The following ASXL2 variants were observed in gnomAD, a reference collection of about 807,000 sequenced individuals.
The protein encoded by ASXL2 is putative Polycomb group protein ASXL2.
Under a neutral mutation model 122.0 loss-of-function variants are expected in ASXL2, and 23 were observed. The observed-to-expected ratio is 0.19, with a 90% CI of 0.14 to 0.27. The LOEUF (loss-of-function observed/expected upper bound fraction) is 0.27. ASXL2 is among the 10% of genes least tolerant of loss of function. The pLI, the probability that ASXL2 is intolerant of heterozygous loss-of-function variation, is 1.00. For missense variants in ASXL2, 1,518 were observed against 1,713.8 expected, an observed-to-expected ratio of 0.89 and a Z score of 2.02; for synonymous variants, 650 against 637.0, an observed-to-expected ratio of 1.02 and a Z score of -0.31.
At position 25,733,866 on chromosome 2, in the gene ASXL2, G is replaced by A. The variant is rs1231109168; in HGVS notation, c.*8163C>T. 3 of 152,168 alleles carry A rather than the reference G, an allele frequency of 2.0e-5. No individual in the cohort carries two copies. The highest frequency in any genetic ancestry group is 4.4e-5 in the Non-Finnish European group (3 of 68,026). The allele number at this position is 152,168 out of a possible 1,614,324, so 9.4% of individuals were successfully genotyped here. A position where few individuals can be genotyped will look rare whatever the true frequency, so the allele number is the denominator to read the frequency against. ...AGAAGGTTGTTTTTATACGACCAAT[G>A]AAACAGCCTAAAAGTGACAGGAAAG... On this transcript the variant is annotated 3_prime_UTR_variant, in exon 13 of 13. Coordinates refer to ENST00000435504, the MANE Select transcript of ASXL2 (RefSeq NM_018263.6).
intron 6 of ASXL2, among the ~76,000 whole-genome samples, chr2:25,770,785 T>G (rs1304739508): frequency 1.3e-5 from 2 of 151,986 alleles, no homozygotes; most frequent in Non-Finnish European, 2.9e-5. Context: ...TGTTAGTAGA[T>G]TAAAAGAGAA....
At chr2:25,786,546 T>C in intron 5 of ASXL2, among the ~76,000 whole-genome samples, 1 of 151,924 alleles carries the variant, frequency 6.6e-6, no homozygotes, top group Admixed American at 6.6e-5. Flanking sequence ...GCCCACATCA[T>C]TCTTAAAACA....
chr2:25,752,628 A>C (rs2088064414), intron 11 of ASXL2, among the ~76,000 whole-genome samples: 2 of 152,060 alleles, frequency 1.3e-5, no homozygotes, highest in African/African-American at 4.8e-5. Flanking sequence ...AGGGCAGATC[A>C]CCTGAAGTCA....
In ASXL2 at chr2:25,799,508, G is replaced by C; in HGVS notation, c.280C>G (p.Leu94Val). 6.2e-7 allele frequency: 1 copy of C among 1,613,752 alleles called. No individual in the cohort carries two copies. The highest frequency in any genetic ancestry group is 2.2e-5 in the East Asian group (1 of 44,882). Residue 94 changes from leucine (L) to valine (V), a missense_variant, in exon 5 of 13, where the codon CTG becomes GTG. Physicochemically the swap from Leu to Val is conservative, Grantham distance 32. Transcript: ENST00000435504. ...KKDVPDGVKE[L>V]SEGSEESSDG... ...CTGCTTTCTTCTGAACCTTCTGACA[G>C]CTCTTTCACCCCATCCGGCACATCT...
intron 2 of ASXL2, 102 bp downstream of exon 2, chr2:25,845,379 T>C (rs2089637367): frequency 1.5e-6 from 2 of 1,336,782 alleles, no homozygotes; most frequent in South Asian, 1.4e-5. Flanking sequence ...AAAGCATTTA[T>C]TATTAAGTAA....
At chr2:25,788,565 G>A (rs1015190110) in intron 5 of ASXL2, among the ~76,000 whole-genome samples, 2 of 152,254 alleles carry the variant, frequency 1.3e-5, no homozygotes, top group Admixed American at 1.3e-4. Flanking sequence ...TACCACCAGT[G>A]TATAAGAATC....
chr2:25,753,411 CAAAAT>C (rs2088080020), intron 11 of ASXL2, 118 bp downstream of exon 11: 5 of 575,162 alleles, frequency 8.7e-6, no homozygotes, highest in Non-Finnish European at 1.4e-5. Context: ...AAAAAAAAAA[CAAAAT>C]AAAACAAAAC....
At chr2:25,840,013 G>C (rs924929266) in intron 2 of ASXL2, among the ~76,000 whole-genome samples, 1 of 151,254 alleles carries the variant, frequency 6.6e-6, no homozygotes, top group Non-Finnish European at 1.5e-5. Flanking sequence ...TTACAGGCAT[G>C]AGCCACCATG....
chr2:25,781,556 CTTT>C (rs75386706), intron 5 of ASXL2, among the ~76,000 whole-genome samples: 1 of 128,714 alleles, frequency 7.8e-6, no homozygotes, highest in Non-Finnish European at 1.7e-5. Flanking sequence ...ATCTCAAATT[CTTT>C]TTTTTTTTTT....
intron 3 of ASXL2, among the ~76,000 whole-genome samples, chr2:25,835,333 C>T (rs1383503350): frequency 6.6e-5 from 10 of 151,968 alleles, no homozygotes; most frequent in Non-Finnish European, 8.8e-5. Flanking sequence ...TATGATCAAA[C>T]AATAATTACA....
chr2:25,841,435 G>C (rs955819291), intron 2 of ASXL2, among the ~76,000 whole-genome samples: 1 of 152,152 alleles, frequency 6.6e-6, no homozygotes, highest in Admixed American at 6.5e-5. Flanking sequence ...ATCATATGCT[G>C]AGGAGTGGGG....
chr2:25,809,835 T>A, intron 3 of ASXL2: 1 of 449,046 alleles, frequency 2.2e-6, no homozygotes, highest in Non-Finnish European at 4.3e-6. Flanking sequence ...AAAGCAGCCT[T>A]CCAGTTATAA....
rs2149198199 is a variant in ASXL2 at position 25,856,622 on chromosome 2, A to G, written c.58-11059T>C. ...CTGTGCAGAGCCCCACCACAAGGTC[A>G]GCAATGAAAATGTCCTCAGTCTCCC... On this transcript the variant is annotated intron_variant, in intron 1 of 12. Coordinates refer to ENST00000435504, the MANE Select transcript of ASXL2 (RefSeq NM_018263.6). 2.4e-6 allele frequency: 3 copies of G among 1,238,772 alleles called. No homozygotes were observed. In the Admixed American group the frequency reaches 5.1e-5, roughly 21 times the overall value. The allele number at this position is 1,238,772 out of a possible 1,614,324, so 76.7% of individuals were successfully genotyped here.
At chr2:25,754,053 C>T (rs1299108443) in intron 10 of ASXL2, among the ~76,000 whole-genome samples, 1 of 152,168 alleles carries the variant, frequency 6.6e-6, no homozygotes. Flanking sequence ...TTCTCCAAGG[C>T]AAGTTAATTT....
chr2:25,761,974 T>TC (rs1256157988), intron 8 of ASXL2, among the ~76,000 whole-genome samples: 1 of 152,104 alleles, frequency 6.6e-6, no homozygotes, highest in Non-Finnish European at 1.5e-5. Context: ...TAAATATATG[T>TC]CCACATTATT....
At chr2:25,825,747 C>T (rs993719802) in intron 3 of ASXL2, among the ~76,000 whole-genome samples, 11 of 152,176 alleles carry the variant, frequency 7.2e-5, no homozygotes, top group African/African-American at 2.7e-4. Flanking sequence ...CTGCTATGAA[C>T]ACTAGTGTTA....
At chr2:25,847,503 T>C (rs2089662376) in intron 1 of ASXL2, among the ~76,000 whole-genome samples, 1 of 152,182 alleles carries the variant, frequency 6.6e-6, no homozygotes, top group Non-Finnish European at 1.5e-5. Context: ...GGCAGTCTGT[T>C]AAAAAACTAT....
chr2:25,764,979 T>C (rs573805153), intron 8 of ASXL2, among the ~76,000 whole-genome samples: 1 of 152,338 alleles, frequency 6.6e-6, no homozygotes, highest in African/African-American at 2.4e-5. Flanking sequence ...CCAAGTTTTT[T>C]CAATTTAGGT....
chr2:25,835,502 C>T (rs1260490464), intron 3 of ASXL2, 36 bp downstream of exon 3: 3 of 268,042 alleles, frequency 1.1e-5, no homozygotes, highest in African/African-American at 4.5e-5. Flanking sequence ...TTTATAATTG[C>T]ATAATACTTC....
Sources: gnomAD v4.1 joint callset for allele counts (sites outside exome capture counted in the v4.1 genomes callset) on GRCh38, gnomAD v4.1.1 for gene constraint, MANE v1.5 for transcripts, NCBI Gene and HGNC (gene_info 2026-07-23, HGNC 2026-07-21) for gene names.